The following FILIP1L variants were observed in gnomAD, a reference collection of about 807,000 sequenced individuals.
The protein encoded by FILIP1L is filamin A interacting protein 1 like.
FILIP1L carries 55 observed loss-of-function variants against 96.6 expected under a neutral mutation model. That is an observed-to-expected ratio of 0.57 (90% confidence interval 0.46 to 0.71). The LOEUF is 0.71. FILIP1L is among the 30% of genes least tolerant of loss of function. The probability of loss-of-function intolerance (pLI) is 0.00; values close to 1 mark genes in which losing one functional copy is unlikely to be tolerated. For synonymous variants in FILIP1L, 467 were observed against 473.9 expected (o/e 0.99, Z 0.19); for missense variants, 1,304 against 1,321.2 (o/e 0.99, Z 0.20).
At chr3:99,842,877 G>A (rs1031396375) in intron 5 of FILIP1L, among the ~76,000 whole-genome samples, 5 of 152,158 alleles carry the variant, frequency 3.3e-5, no homozygotes, top group Admixed American at 6.6e-5. Flanking sequence ...ACTTAGAGGT[G>A]TTGGCCAGTT....
intron 4 of FILIP1L, among the ~76,000 whole-genome samples, chr3:99,894,588 CAAG>C (rs1436157561): frequency 5.9e-5 from 9 of 152,138 alleles, no homozygotes; most frequent in Non-Finnish European, 1.0e-4. Flanking sequence ...TTTCTTACAG[CAAG>C]GAGGAAAGTG....
At chr3:100,089,736 G>A (rs1006669427) in intron 1 of FILIP1L, among the ~76,000 whole-genome samples, 7 of 152,140 alleles carry the variant, frequency 4.6e-5, no homozygotes, top group African/African-American at 1.7e-4. Flanking sequence ...TTCATTGCTC[G>A]TTAATAATCT....
At chr3:100,021,500 T>C (rs1356186478) in intron 1 of FILIP1L, among the ~76,000 whole-genome samples, 1 of 152,172 alleles carries the variant, frequency 6.6e-6, no homozygotes, top group African/African-American at 2.4e-5. Context: ...TGTAATGTTT[T>C]GTTTTACTTC....
chr3:100,067,672 T>C (rs1203527766), intron 1 of FILIP1L, among the ~76,000 whole-genome samples: 2 of 152,142 alleles, frequency 1.3e-5, no homozygotes, highest in Non-Finnish European at 2.9e-5. Flanking sequence ...AGTATACTGG[T>C]TTGATAATAA....
intron 4 of FILIP1L, among the ~76,000 whole-genome samples, chr3:99,902,524 C>T (rs561801596): frequency 2.0e-5 from 3 of 152,262 alleles, no homozygotes; most frequent in East Asian, 1.9e-4. Flanking sequence ...GCTGTCAGCT[C>T]ATTCTGAGGA....
chr3:99,963,132 C>T (rs1036702326), intron 1 of FILIP1L, among the ~76,000 whole-genome samples: 1 of 152,198 alleles, frequency 6.6e-6, no homozygotes, highest in Admixed American at 6.5e-5. Flanking sequence ...ATTAGGATAA[C>T]AGTGCACCAG....
intron 5 of FILIP1L, among the ~76,000 whole-genome samples, chr3:99,846,781 T>G (rs1168938700): frequency 6.6e-6 from 1 of 152,244 alleles, no homozygotes; most frequent in African/African-American, 2.4e-5. Flanking sequence ...CTTAAAGATC[T>G]TCACAGTTTG....
At position 99,850,155 on chromosome 3, in the gene FILIP1L, C is replaced by T; in HGVS notation, c.1521G>A (p.Met507Ile). 1.2e-6 allele frequency: 2 copies of T among 1,611,086 alleles called. No homozygotes were observed. Among genetic ancestry groups the T allele is most frequent in the Non-Finnish European group, 8.5e-7 (1 of 1,179,472 alleles). Residue 507 changes from methionine to isoleucine, a missense_variant, in exon 5 of 6, where the codon ATG (methionine) becomes ATA (isoleucine). Physicochemically the swap from Met to Ile is conservative, Grantham distance 10. Transcript: ENST00000477258. ...TVMFVDERKT[M>I]SEKLKKTEDK... is the part of the protein sequence containing the mutation. The stretch of plus-strand genomic sequence containing the variant: ...CTTCAGTTTTCTTTAATTTTTCACT[C>T]ATTGTTTTCCGTTCATCTACAAACA...
intron 1 of FILIP1L, among the ~76,000 whole-genome samples, chr3:100,081,084 G>A (rs1411914555): frequency 6.6e-6 from 1 of 152,178 alleles, no homozygotes; most frequent in Admixed American, 6.5e-5. Context: ...ATATCCATTA[G>A]TCTTGCTGAT....
At chr3:99,861,599 T>G (rs190271354) in intron 4 of FILIP1L, among the ~76,000 whole-genome samples, 3 of 152,316 alleles carry the variant, frequency 2.0e-5, no homozygotes, top group African/African-American at 7.2e-5. Flanking sequence ...CTTGTCTGTT[T>G]GCCCAAGGTA....
chr3:100,075,062 T>G (rs1468222423), intron 1 of FILIP1L, among the ~76,000 whole-genome samples: 2 of 100,538 alleles, frequency 2.0e-5, no homozygotes, highest in African/African-American at 6.0e-5. Flanking sequence ...ATTGCTTATA[T>G]TTTTTTAGGA....
chr3:100,095,947 A>T (rs1047910215), intron 1 of FILIP1L, among the ~76,000 whole-genome samples: 3 of 152,204 alleles, frequency 2.0e-5, no homozygotes, highest in Non-Finnish European at 4.4e-5. Context: ...AATCCAATTT[A>T]AAAAATAGGC....
chr3:99,931,656 A>G (rs1707487178), intron 1 of FILIP1L, among the ~76,000 whole-genome samples: 1 of 152,164 alleles, frequency 6.6e-6, no homozygotes, highest in Non-Finnish European at 1.5e-5. Context: ...CATTCTTCTA[A>G]AATTCTAGAT....
At chr3:99,907,907 T>A (rs1355199597) in intron 4 of FILIP1L, among the ~76,000 whole-genome samples, 1 of 152,214 alleles carries the variant, frequency 6.6e-6, no homozygotes, top group Admixed American at 6.5e-5. Flanking sequence ...ATATGTGTGA[T>A]CCAGTGCCTG....
intron 1 of FILIP1L, among the ~76,000 whole-genome samples, chr3:100,042,402 C>T (rs1423904472): frequency 1.3e-5 from 2 of 152,150 alleles, no homozygotes; most frequent in Admixed American, 1.3e-4. Flanking sequence ...TCTGATGTTT[C>T]GTCAGCTAGC....
chr3:99,954,118 C>A (rs567013469), intron 1 of FILIP1L, among the ~76,000 whole-genome samples: 7 of 152,356 alleles, frequency 4.6e-5, no homozygotes, highest in African/African-American at 1.7e-4. Context: ...GGGCTCATCT[C>A]ACTTAACACT....
intron 4 of FILIP1L, chr3:99,876,300 G>C: frequency 4.0e-6 from 3 of 741,072 alleles, no homozygotes; most frequent in Non-Finnish European, 4.9e-6. Flanking sequence ...CGCGGCGGCG[G>C]CGCAGCCACA....
intron 1 of FILIP1L, among the ~76,000 whole-genome samples, chr3:99,943,829 G>A (rs756848572): frequency 3.0e-4 from 46 of 152,270 alleles, no homozygotes; most frequent in Non-Finnish European, 4.9e-4. Flanking sequence ...CTCTGGAGTC[G>A]GCCTGGCCGA....
In FILIP1L at chr3:99,852,923, T is replaced by C. The variant is rs150788039; in HGVS notation, c.606-1853A>G. On this transcript the variant is annotated intron_variant, in intron 4 of 5. Transcript: ENST00000477258. ...TTTTTGTGGGAGTCCACTTTTAGTT[T>C]TTTCTGTTTTGAGAACTTAACAGGA... 7.3e-3 allele frequency among the ~76,000 whole-genome samples: 1,105 copies of C among 152,290 alleles called. 19 individuals carry two copies. The highest frequency in any genetic ancestry group is 0.025 in the African/African-American group (1,018 of 41,542).
Sources: allele counts gnomAD v4.1 joint callset (sites outside exome capture counted in the v4.1 genomes callset), GRCh38; gene constraint gnomAD v4.1.1; transcripts MANE v1.5; gene names NCBI Gene and HGNC (gene_info 2026-07-23, HGNC 2026-07-21).